CRPPA: variants seen among roughly 807,000 people sequenced by gnomAD.
CRPPA encodes the protein D-ribitol-5-phosphate cytidylyltransferase.
Under a neutral mutation model 52.0 loss-of-function variants are expected in CRPPA, and 43 were observed. The ratio of observed to expected loss-of-function variants is 0.83; its 90% CI spans 0.65 to 1.07. The LOEUF is 1.07. Ranked by LOEUF, CRPPA falls within the 50% of genes least tolerant of loss-of-function variation. The pLI, the probability that CRPPA is intolerant of heterozygous loss-of-function variation, is 0.00. For synonymous variants in CRPPA, 250 were observed against 203.5 expected (o/e 1.23, Z -1.94); for missense variants, 629 against 551.7 (o/e 1.14, Z -1.40).
intron 9 of CRPPA, among the ~76,000 whole-genome samples, chr7:16,193,456 A>G (rs1233045029): frequency 3.3e-5 from 5 of 152,090 alleles, no homozygotes; most frequent in Non-Finnish European, 7.4e-5. Flanking sequence ...ATTTTACATA[A>G]ATTACTTCTA....
intron 5 of CRPPA, among the ~76,000 whole-genome samples, chr7:16,300,069 G>A (rs1784761916): frequency 6.6e-6 from 1 of 152,138 alleles, no homozygotes; most frequent in South Asian, 2.1e-4. Flanking sequence ...ACATTGCTTG[G>A]TTGATATGTA....
intron 9 of CRPPA, among the ~76,000 whole-genome samples, chr7:16,208,161 T>A (rs769925529): frequency 6.6e-6 from 1 of 152,184 alleles, no homozygotes; most frequent in African/African-American, 2.4e-5. Context: ...CCCATTAATA[T>A]GATGCTTTAA....
At chr7:16,094,135 A>G (rs1781891012) in intron 9 of CRPPA, among the ~76,000 whole-genome samples, 1 of 152,204 alleles carries the variant, frequency 6.6e-6, no homozygotes. Context: ...AAAGAATTTA[A>G]GATGTCCTTT....
chr7:16,256,639 C>T (rs920075238), intron 8 of CRPPA, among the ~76,000 whole-genome samples: 6 of 152,098 alleles, frequency 3.9e-5, no homozygotes, highest in Non-Finnish European at 8.8e-5. Context: ...TAGAAACCAT[C>T]ATTCTCAGCA....
intron 9 of CRPPA, among the ~76,000 whole-genome samples, chr7:16,204,351 C>T (rs932343016): frequency 1.3e-5 from 2 of 151,996 alleles, no homozygotes; most frequent in African/African-American, 2.4e-5. Flanking sequence ...TGGAGGCCAT[C>T]ATCTTAAGTG....
chr7:16,149,979 CATT>C (rs1318399172), intron 9 of CRPPA, among the ~76,000 whole-genome samples: 1 of 145,196 alleles, frequency 6.9e-6, no homozygotes, highest in African/African-American at 2.6e-5. Context: ...CAGCGAGAGT[CATT>C]AAAAAAAAAA....
intron 9 of CRPPA, among the ~76,000 whole-genome samples, chr7:16,134,722 C>T (rs1365185332): frequency 6.6e-6 from 1 of 152,064 alleles, no homozygotes; most frequent in African/African-American, 2.4e-5. Flanking sequence ...CAGAAATGAC[C>T]TAAAAATATG....
At chr7:16,392,476 C>T (rs1445352142) in intron 2 of CRPPA, among the ~76,000 whole-genome samples, 3 of 152,132 alleles carry the variant, frequency 2.0e-5, no homozygotes, top group Non-Finnish European at 4.4e-5. Context: ...CCTAGACAAC[C>T]ATATTCCAAG....
chr7:16,400,545 C>T (rs1362321264), intron 2 of CRPPA, among the ~76,000 whole-genome samples: 4 of 152,248 alleles, frequency 2.6e-5, no homozygotes, highest in South Asian at 4.1e-4. Context: ...ACTGACACGT[C>T]GACACGATCG....
chr7:16,378,377 T>TG (rs1394648326), intron 2 of CRPPA, among the ~76,000 whole-genome samples: 12 of 150,660 alleles, frequency 8.0e-5, no homozygotes, highest in Non-Finnish European at 1.6e-4. Context: ...TTTTTGTACT[T>TG]GCGATAGTTT....
At chr7:16,338,525 AC>A (rs1785743458) in intron 3 of CRPPA, among the ~76,000 whole-genome samples, 15 of 141,142 alleles carry the variant, frequency 1.1e-4, no homozygotes, top group Admixed American at 3.0e-4. Context: ...TAGATTATTA[AC>A]CTGGCTAAGA....
chr7:16,380,581 G>A (rs1457065800), intron 2 of CRPPA, among the ~76,000 whole-genome samples: 1 of 152,114 alleles, frequency 6.6e-6, no homozygotes, highest in Non-Finnish European at 1.5e-5. Flanking sequence ...GTTCTTCCTT[G>A]TACCTCTGGT....
chr7:16,406,029 C>T, intron 2 of CRPPA, 32 bp downstream of exon 2: 2 of 1,595,090 alleles, frequency 1.3e-6, no homozygotes, highest in Non-Finnish European at 1.7e-6. Context: ...AGTGCTTGTC[C>T]CTTCTATCTA....
intron 9 of CRPPA, among the ~76,000 whole-genome samples, chr7:16,097,251 A>G (rs768867862): frequency 1.3e-4 from 20 of 152,192 alleles, no homozygotes; most frequent in Admixed American, 2.0e-4. Context: ...TAATAACAAA[A>G]AAAGTGTACT....
chr7:16,214,672 T>C (rs1279251891), intron 9 of CRPPA, among the ~76,000 whole-genome samples: 1 of 152,116 alleles, frequency 6.6e-6, no homozygotes, highest in African/African-American at 2.4e-5. Flanking sequence ...GCCTGGCTAA[T>C]TTTTTAACTT....
chr7:16,331,074 A>C (rs1274819807), intron 3 of CRPPA, among the ~76,000 whole-genome samples: 1 of 152,188 alleles, frequency 6.6e-6, no homozygotes, highest in East Asian at 1.9e-4. Context: ...ATCTCGGCTC[A>C]CTGCAAACTC....
intron 9 of CRPPA, among the ~76,000 whole-genome samples, chr7:16,103,020 G>A (rs1214186258): frequency 6.6e-6 from 1 of 152,118 alleles, no homozygotes; most frequent in Non-Finnish European, 1.5e-5. Flanking sequence ...ATTTATTGTA[G>A]CACTGTTCAC....
rs565178938 is a variant in CRPPA at position 16,186,515 on chromosome 7, T to C, written c.1251+29551A>G. On this transcript the variant is annotated intron_variant, in intron 9 of 9. Coordinates refer to ENST00000407010, the MANE Select transcript of CRPPA (RefSeq NM_001101426.4). ...TTTCTGCTGTTTATAAGCCACCTAA[T>C]CTATGGAAATTTGTTATAGCAACCT... Among the ~76,000 whole-genome samples, 314 of 152,224 alleles carry C rather than the reference T, an allele frequency of 2.1e-3. 1 individual carries two copies. The highest frequency in any genetic ancestry group is 7.3e-3 in the African/African-American group (303 of 41,526).
chr7:16,400,564 C>G (rs1486838793), intron 2 of CRPPA, among the ~76,000 whole-genome samples: 1 of 152,236 alleles, frequency 6.6e-6, no homozygotes, highest in Non-Finnish European at 1.5e-5. Context: ...CGACACTTGA[C>G]TGACACATTT....
Sources: gnomAD v4.1 joint callset for allele counts (sites outside exome capture counted in the v4.1 genomes callset) on GRCh38, gnomAD v4.1.1 for gene constraint, MANE v1.5 for transcripts, NCBI Gene and HGNC (gene_info 2026-07-23, HGNC 2026-07-21) for gene names.